The following KIF13A variants were observed in gnomAD, a reference collection of about 807,000 sequenced individuals.
The protein encoded by KIF13A is kinesin family member 13A.
KIF13A carries 79 observed loss-of-function variants against 212.2 expected under a neutral mutation model. The ratio of observed to expected loss-of-function variants is 0.37; its 90% CI spans 0.31 to 0.45. The LOEUF (loss-of-function observed/expected upper bound fraction) is 0.45. Ranked by LOEUF, KIF13A falls within the 20% of genes least tolerant of loss-of-function variation. The pLI is 1.00. For missense variants in KIF13A, 1,901 were observed against 2,209.0 expected (o/e 0.86, Z 2.79); for synonymous variants, 789 against 808.6 (o/e 0.98, Z 0.41).
At chr6:17,873,883 C>T (rs80266843) in intron 3 of KIF13A, among the ~76,000 whole-genome samples, 4 of 152,246 alleles carry the variant, frequency 2.6e-5, no homozygotes, top group South Asian at 2.1e-4. Flanking sequence ...TGAGCCATCG[C>T]GCCTGGCCCT....
intron 19 of KIF13A, 106 bp downstream of exon 19, chr6:17,805,369 C>CTGTG: frequency 1.5e-6 from 1 of 657,638 alleles, no homozygotes; most frequent in Non-Finnish European, 2.3e-6. Flanking sequence ...GAGCACATCT[C>CTGTG]CGTGTGTGTG....
Position 17,825,988 on chromosome 6 carries a change from T to C in KIF13A, c.1619+50A>G, listed in dbSNP as rs777750849. 5.2e-5 allele frequency: 83 copies of C among 1,610,094 alleles called. No homozygotes were observed. Among genetic ancestry groups the C allele is most frequent in the Non-Finnish European group, 6.9e-5 (81 of 1,176,986 alleles). ...TCAACTTGTTTTACACTTAAATAGA[T>C]AACAGAAAAAATGTATACGAAAATA... On this transcript the variant is annotated intron_variant, in intron 15 of 38. Coordinates refer to ENST00000259711, the MANE Select transcript of KIF13A (RefSeq NM_022113.6). The surrounding 1 kb of genome is among the most constrained non-coding windows in gnomAD (Gnocchi z 4.5).
chr6:17,787,826 T>C lies in KIF13A; in HGVS notation c.3311A>G (p.Lys1104Arg), dbSNP rs755676744. Reference protein sequence around the residue: ...VRERWSDALIKRREYLDEQIK... With the variant: ...VRERWSDALIRRREYLDEQIK... ...CTGTTCATCCAGGTATTCTCGTCGTTTAATGAGTGCATCTGACCACCTCTC... is the reference window on the plus strand; with the variant it reads ...CTGTTCATCCAGGTATTCTCGTCGTCTAATGAGTGCATCTGACCACCTCTC... Residue 1104 changes from lysine to arginine, a missense_variant, in exon 27 of 39, where the codon AAA becomes AGA. This residue lies in a region of KIF13A where 168 missense variants were observed against 250.9 expected (regional missense o/e 0.67). Transcript: ENST00000259711. The surrounding 1 kb of genome is among the most constrained non-coding windows in gnomAD (Gnocchi z 4.6). 6 of 1,613,524 alleles carry C rather than the reference T, an allele frequency of 3.7e-6. No individual in the cohort carries two copies. The highest frequency in any genetic ancestry group is 3.3e-5 in the South Asian group (3 of 91,070).
intron 4 of KIF13A, among the ~76,000 whole-genome samples, chr6:17,869,019 A>AACAAAAAAAAAAAAC (rs1769735035): frequency 7.9e-6 from 1 of 126,514 alleles, no homozygotes. Flanking sequence ...AAAAAAAAAA[A>AACAAAAAAAAAAAAC]ACACAAATAA....
At chr6:17,974,942 T>C (rs757958054) in intron 2 of KIF13A, among the ~76,000 whole-genome samples, 5 of 152,238 alleles carry the variant, frequency 3.3e-5, no homozygotes, top group Non-Finnish European at 5.9e-5. Context: ...AGATATAGCA[T>C]ATTTCCATCA....
chr6:17,783,157 T>C lies in KIF13A; in HGVS notation c.3544+489A>G, dbSNP rs1178710736. On this transcript the variant is annotated intron_variant, in intron 29 of 38. Transcript: ENST00000259711. This position sits in a 1 kb window ranked among gnomAD's most constrained non-coding sequence, Gnocchi z 4.3. ...TTTCTACACATGGGGTTCCAGTTAA[T>C]ATTTCGTTTAGAAAAGGATTGTTCT... 5.3e-5 allele frequency among the ~76,000 whole-genome samples: 8 copies of C among 152,212 alleles called. No homozygotes were observed. The highest frequency in any genetic ancestry group is 1.4e-4 in the African/African-American group (6 of 41,446).
At chr6:17,760,689 G>A, downstream of KIF13A, 3 of 626,088 alleles carry the variant, frequency 4.8e-6, no homozygotes, top group Non-Finnish European at 8.7e-6. Context: ...CTCCCACTGG[G>A]GAGGGGAAAG....
At chr6:17,893,932 C>A (rs1425681909) in intron 3 of KIF13A, among the ~76,000 whole-genome samples, 2 of 147,140 alleles carry the variant, frequency 1.4e-5, no homozygotes, top group African/African-American at 5.1e-5. Context: ...CTCTGCTTCC[C>A]GGGTTCAAGT....
rs1231406000 is a variant in KIF13A at position 17,772,704 on chromosome 6, T to C, written c.4325-645A>G. On this transcript the variant is annotated intron_variant, in intron 36 of 38. Transcript: ENST00000259711. This position sits in a 1 kb window ranked among gnomAD's most constrained non-coding sequence, Gnocchi z 4.8. ...CATTTTGGCACCTTATCATTTAACATCTCATTTTCTGTGTATCTTATTTCC... is the reference window on the plus strand; with the variant it reads ...CATTTTGGCACCTTATCATTTAACACCTCATTTTCTGTGTATCTTATTTCC... Among the ~76,000 whole-genome samples, 5 of 152,250 alleles carry C rather than the reference T, an allele frequency of 3.3e-5. No individual in the cohort carries two copies. The highest frequency in any genetic ancestry group is 2.9e-5 in the Non-Finnish European group (2 of 68,050).
At chr6:17,763,495 A>AAAAT (rs61278734), downstream of KIF13A, among the ~76,000 whole-genome samples, 2 of 145,244 alleles carry the variant, frequency 1.4e-5, no homozygotes, top group African/African-American at 5.6e-5. Flanking sequence ...AAAAAAAAAA[A>AAAAT]GAAAAAAGAA....
rs1365135725 is a variant in KIF13A, at chr6:17,843,511, T to C, written c.830+5866A>G. On this transcript the variant is annotated intron_variant, in intron 9 of 38. Transcript: ENST00000259711. The surrounding 1 kb of genome is among the most constrained non-coding windows in gnomAD (Gnocchi z 5.3). ...GACAGAAGCCTGTGGTTTTTTGCCC[T>C]TCCTCCTTTTTCCTTCTTCCAGTTT... 6.6e-6 allele frequency among the ~76,000 whole-genome samples: 1 copy of C among 152,204 alleles called. No individual in the cohort carries two copies. Among genetic ancestry groups the C allele is most frequent in the Non-Finnish European group, 1.5e-5 (1 of 68,026 alleles).
At position 17,984,192 on chromosome 6, in the gene KIF13A, C is replaced by T. The variant is rs549183925; in HGVS notation, c.146+2862G>A. On this transcript the variant is annotated intron_variant, in intron 2 of 38. Coordinates refer to ENST00000259711, the MANE Select transcript of KIF13A (RefSeq NM_022113.6). The surrounding 1 kb of genome is among the most constrained non-coding windows in gnomAD (Gnocchi z 5.0). ...ATGAAATGGCAAAAGTATACACCAG[C>T]GTAATTTACCACGTTGTATTTTAAC... Among the ~76,000 whole-genome samples, 11 of 152,304 alleles carry T rather than the reference C, an allele frequency of 7.2e-5. No individual in the cohort carries two copies. Among genetic ancestry groups the T allele is most frequent in the African/African-American group, 2.2e-4 (9 of 41,562 alleles).
At chr6:17,806,886 A>G (rs775019294) in intron 18 of KIF13A, among the ~76,000 whole-genome samples, 3 of 152,224 alleles carry the variant, frequency 2.0e-5, no homozygotes, top group Non-Finnish European at 4.4e-5. Flanking sequence ...TCAAAAAACA[A>G]CAACTGTTGC....
chr6:17,856,203 C>A lies in KIF13A; in HGVS notation c.221-81G>T. ...ATTTGTGTTAGTAACAATATTATGT[C>A]AATTCAAAAAAATGTTAAAAGTGTA... On this transcript the variant is annotated intron_variant, in intron 4 of 38. Transcript: ENST00000259711. The surrounding 1 kb of genome is among the most constrained non-coding windows in gnomAD (Gnocchi z 4.5). 3 of 976,158 alleles carry A rather than the reference C, an allele frequency of 3.1e-6. No homozygotes were observed. The highest frequency in any genetic ancestry group is 3.0e-5 in the South Asian group (2 of 67,698). 60.5% of individuals were successfully genotyped at this position (976,158 alleles called of 1,614,324 possible).
At position 17,960,253 on chromosome 6, in the gene KIF13A, A is replaced by G. The variant is rs181946982; in HGVS notation, c.146+26801T>C. On this transcript the variant is annotated intron_variant, in intron 2 of 38. Coordinates refer to ENST00000259711, the MANE Select transcript of KIF13A (RefSeq NM_022113.6). ...CACTCTTTAGTAACTAAAAAAAAGT[A>G]AACATTCTTTGAGAGTAGCAAAAAG... Among the ~76,000 whole-genome samples, 1,006 of 152,330 alleles carry G rather than the reference A, an allele frequency of 6.6e-3. 10 individuals carry two copies. The highest frequency in any genetic ancestry group is 0.011 in the Non-Finnish European group (756 of 68,026).
chr6:17,762,337 C>T (rs1758624310), downstream of KIF13A, among the ~76,000 whole-genome samples: 3 of 151,938 alleles, frequency 2.0e-5, no homozygotes, highest in South Asian at 2.1e-4. Flanking sequence ...CTCAGCCTCC[C>T]GAGTAGCTGG....
At chr6:17,960,770 T>C (rs1341676462) in intron 2 of KIF13A, among the ~76,000 whole-genome samples, 2 of 152,232 alleles carry the variant, frequency 1.3e-5, no homozygotes, top group Non-Finnish European at 2.9e-5. Context: ...TAAAGAATTG[T>C]GGTGTCTATC....
chr6:17,832,616 T>A (rs1265787469), intron 12 of KIF13A, among the ~76,000 whole-genome samples: 1 of 147,010 alleles, frequency 6.8e-6, no homozygotes, highest in Admixed American at 6.8e-5. Flanking sequence ...CCAGCCTGGG[T>A]GACAAAGCAA....
chr6:17,828,555 A>C lies in KIF13A; in HGVS notation c.1402-185T>G, dbSNP rs1487531006. 2.0e-5 allele frequency among the ~76,000 whole-genome samples: 3 copies of C among 152,216 alleles called. No individual in the cohort carries two copies. The highest frequency in any genetic ancestry group is 2.9e-5 in the Non-Finnish European group (2 of 68,048). On this transcript the variant is annotated intron_variant, in intron 13 of 38. Coordinates refer to ENST00000259711, the MANE Select transcript of KIF13A (RefSeq NM_022113.6). The surrounding 1 kb of genome is among the most constrained non-coding windows in gnomAD (Gnocchi z 4.3). Reference sequence around the variant, plus strand: ...TACCCTTAATACACCAAATTAAAAAAAAATGTTTAAACACTACCAAAAAAA... The same window carrying C: ...TACCCTTAATACACCAAATTAAAAACAAATGTTTAAACACTACCAAAAAAA...
Sources: allele counts gnomAD v4.1 joint callset (sites outside exome capture counted in the v4.1 genomes callset), GRCh38; gene constraint gnomAD v4.1.1; regional missense constraint gnomAD v4.1.1; non-coding constraint Gnocchi (gnomAD v3.1); transcripts MANE v1.5; gene names NCBI Gene and HGNC (gene_info 2026-07-23, HGNC 2026-07-21).